AFF3: variants seen among roughly 807,000 people sequenced by gnomAD.
AFF3 encodes AF4/FMR2 family member 3.
AFF3 carries 32 observed loss-of-function variants against 129.7 expected under a neutral mutation model. That is an observed-to-expected ratio of 0.25 (90% confidence interval 0.19 to 0.33). AFF3 has a LOEUF of 0.33. Ranked by LOEUF, AFF3 falls within the 10% of genes least tolerant of loss-of-function variation. AFF3 has a pLI of 1.00. For missense variants in AFF3, 1,373 were observed against 1,592.0 expected, an observed-to-expected ratio of 0.86 and a Z score of 2.34; for synonymous variants, 644 against 635.4, an observed-to-expected ratio of 1.01 and a Z score of -0.20.
At chr2:99,644,411 T>TGA (rs1252093641) in intron 13 of AFF3, among the ~76,000 whole-genome samples, 2 of 152,216 alleles carry the variant, frequency 1.3e-5, no homozygotes, top group African/African-American at 4.8e-5. Flanking sequence ...TAGCTGAACG[T>TGA]GATTTATTCA....
intron 4 of AFF3, among the ~76,000 whole-genome samples, chr2:100,084,992 ATTACT>A (rs1450280743): frequency 1.3e-5 from 2 of 152,020 alleles, no homozygotes; most frequent in Non-Finnish European, 2.9e-5. Flanking sequence ...TTGCATATAA[ATTACT>A]TTATTACCAA....
At chr2:100,052,152 T>C (rs954133920) in intron 4 of AFF3, among the ~76,000 whole-genome samples, 8 of 152,226 alleles carry the variant, frequency 5.3e-5, no homozygotes, top group South Asian at 2.1e-4. Flanking sequence ...GTTCATTTTG[T>C]AGTTCATGTA....
intron 4 of AFF3, among the ~76,000 whole-genome samples, chr2:100,067,377 G>T (rs1244031396): frequency 6.6e-6 from 1 of 152,172 alleles, no homozygotes; most frequent in Non-Finnish European, 1.5e-5. Flanking sequence ...CAAGCATACA[G>T]ATGTGAGTGT....
At chr2:100,036,132 G>T (rs1463930348) in intron 4 of AFF3, among the ~76,000 whole-genome samples, 2 of 69,524 alleles carry the variant, frequency 2.9e-5, no homozygotes, top group Non-Finnish European at 5.4e-5. Flanking sequence ...AAAATACAGT[G>T]CTAAAAAAAA....
intron 7 of AFF3, among the ~76,000 whole-genome samples, chr2:99,870,103 T>C (rs1351285731): frequency 6.6e-6 from 1 of 152,216 alleles, no homozygotes; most frequent in Non-Finnish European, 1.5e-5. Flanking sequence ...CACCAGTGTC[T>C]GAACTGAACA....
chr2:99,951,683 T>C (rs1003233562), intron 7 of AFF3, among the ~76,000 whole-genome samples: 1 of 152,158 alleles, frequency 6.6e-6, no homozygotes, highest in African/African-American at 2.4e-5. Flanking sequence ...TTCACTCTTG[T>C]CCCCCAGGCT....
intron 7 of AFF3, among the ~76,000 whole-genome samples, chr2:99,857,410 T>C: frequency 6.6e-6 from 1 of 152,220 alleles, no homozygotes; most frequent in East Asian, 1.9e-4. Context: ...GATTTAGTTT[T>C]TAGAACATGT....
At chr2:99,752,401 G>C (rs1681730736) in intron 8 of AFF3, 100 bp from the exon 9 acceptor site, 1 of 907,670 alleles carries the variant, frequency 1.1e-6, no homozygotes, top group Admixed American at 2.5e-5. Context: ...ATAAGGCAGG[G>C]AAGGGTTAAA....
chr2:99,629,849 G>C (rs1200263699), intron 13 of AFF3, among the ~76,000 whole-genome samples: 10 of 151,986 alleles, frequency 6.6e-5, no homozygotes, highest in Admixed American at 6.6e-5. Flanking sequence ...TCCCATGATG[G>C]GATCCTACCC....
chr2:100,091,986 C>T (rs563382419), intron 4 of AFF3, among the ~76,000 whole-genome samples: 250 of 148,676 alleles, frequency 1.7e-3, no homozygotes, highest in African/African-American at 6.1e-3. Context: ...GTGGTGCCTG[C>T]AGCCTACTTC....
intron 8 of AFF3, among the ~76,000 whole-genome samples, chr2:99,759,060 T>G (rs189509472): frequency 2.0e-5 from 3 of 152,356 alleles, no homozygotes; most frequent in Admixed American, 2.0e-4. Flanking sequence ...CTGAGTCTCT[T>G]TTTATCCATT....
At chr2:100,118,496 A>T (rs1691815019) in intron 2 of AFF3, among the ~76,000 whole-genome samples, 1 of 152,230 alleles carries the variant, frequency 6.6e-6, no homozygotes, top group Non-Finnish European at 1.5e-5. Context: ...TTGCAAAGTT[A>T]TATTACAGTG....
At chr2:99,791,758 T>A (rs986234065) in intron 8 of AFF3, among the ~76,000 whole-genome samples, 4 of 152,180 alleles carry the variant, frequency 2.6e-5, no homozygotes, top group Admixed American at 6.5e-5. Flanking sequence ...GCTGTCTTCT[T>A]GTTTCAGCTT....
intron 7 of AFF3, among the ~76,000 whole-genome samples, chr2:99,956,462 GAAGCATAACT>G (rs1323310650): frequency 6.6e-6 from 1 of 152,062 alleles, no homozygotes; most frequent in Non-Finnish European, 1.5e-5. Flanking sequence ...GTTTGTTACC[GAAGCATAACT>G]TAAGCATAAG....
At chr2:100,045,338 G>A (rs1315869413) in intron 4 of AFF3, among the ~76,000 whole-genome samples, 1 of 152,142 alleles carries the variant, frequency 6.6e-6, no homozygotes, top group Non-Finnish European at 1.5e-5. Flanking sequence ...CCTCTAAGAG[G>A]CACAGAAAAC....
chr2:99,616,104 G>A (rs914605183), intron 13 of AFF3, among the ~76,000 whole-genome samples: 37 of 152,318 alleles, frequency 2.4e-4, no homozygotes, highest in African/African-American at 8.4e-4. Context: ...CTCAATCCTG[G>A]AAGAGAGAGG....
chr2:99,587,088 T>G, intron 16 of AFF3, 66 bp downstream of exon 16: 3 of 1,600,724 alleles, frequency 1.9e-6, no homozygotes, highest in South Asian at 1.1e-5. Flanking sequence ...TCCTCCAACA[T>G]AGCAGGTGAC....
chr2:100,011,261 G>A (rs767658112), intron 4 of AFF3, among the ~76,000 whole-genome samples: 19 of 152,066 alleles, frequency 1.2e-4, no homozygotes, highest in Non-Finnish European at 2.5e-4. Flanking sequence ...GCGACAAAGC[G>A]AGACTCCCTC....
intron 8 of AFF3, among the ~76,000 whole-genome samples, chr2:99,761,135 T>C (rs1262472543): frequency 6.6e-6 from 1 of 151,678 alleles, no homozygotes; most frequent in African/African-American, 2.4e-5. Flanking sequence ...CGCCAGTCCC[T>C]TCTCCCTACA....
Sources: allele counts gnomAD v4.1 joint callset (sites outside exome capture counted in the v4.1 genomes callset), GRCh38; gene constraint gnomAD v4.1.1; transcripts MANE v1.5; gene names NCBI Gene and HGNC (gene_info 2026-07-23, HGNC 2026-07-21).